The following ERC2 variants were observed in gnomAD, a reference collection of about 807,000 sequenced individuals.
ERC2 encodes the protein ELKS/RAB6-interacting/CAST family member 2, also known as ERC protein 2.
Under a neutral mutation model 114.8 loss-of-function variants are expected in ERC2, and 42 were observed. The observed-to-expected ratio is 0.37, with a 90% CI of 0.29 to 0.47. The LOEUF (loss-of-function observed/expected upper bound fraction) is 0.47, where lower values mean the gene tolerates loss of function less well. ERC2 is among the 20% of genes least tolerant of loss of function. ERC2 has a pLI of 0.99. For synonymous variants in ERC2, 454 were observed against 425.5 expected (o/e 1.07, Z -0.82); for missense variants, 939 against 1,150.7 (o/e 0.82, Z 2.66).
At chr3:55,700,659 T>G (rs1407695690) in intron 15 of ERC2, among the ~76,000 whole-genome samples, 1 of 152,150 alleles carries the variant, frequency 6.6e-6, no homozygotes, top group Admixed American at 6.5e-5. Flanking sequence ...CTAGCCCCCT[T>G]TCTTCACCTT....
At chr3:55,586,116 C>T (rs2057586637) in intron 17 of ERC2, among the ~76,000 whole-genome samples, 1 of 152,036 alleles carries the variant, frequency 6.6e-6, no homozygotes, top group Non-Finnish European at 1.5e-5. Context: ...CTTGGAGGCA[C>T]ACTGGTGCAC....
chr3:56,200,230 C>A (rs895738549), intron 3 of ERC2, among the ~76,000 whole-genome samples: 1 of 151,952 alleles, frequency 6.6e-6, no homozygotes, highest in African/African-American at 2.4e-5. Flanking sequence ...GAAACCCTCA[C>A]ACAGAGCAGG....
At chr3:55,875,909 GAGA>G (rs915022642) in intron 14 of ERC2, among the ~76,000 whole-genome samples, 4 of 152,092 alleles carry the variant, frequency 2.6e-5, no homozygotes, top group African/African-American at 9.7e-5. Flanking sequence ...AAAGAGGAGA[GAGA>G]AGGATGGGGA....
intron 17 of ERC2, among the ~76,000 whole-genome samples, chr3:55,545,237 TC>T (rs1388034670): frequency 6.6e-6 from 1 of 152,178 alleles, no homozygotes; most frequent in Non-Finnish European, 1.5e-5. Flanking sequence ...CTAATAGAAC[TC>T]CCTGCGTCAA....
chr3:55,792,979 C>T (rs183476403), intron 14 of ERC2, among the ~76,000 whole-genome samples: 61 of 152,298 alleles, frequency 4.0e-4, no homozygotes, highest in Non-Finnish European at 5.9e-4. Context: ...CCTGGTGATG[C>T]TATAACCCTG....
chr3:56,173,431 G>T lies in ERC2; in HGVS notation c.1149+15C>A, dbSNP rs1330194174. The T allele has an allele frequency of 1.2e-6, 2 of 1,612,300 alleles. No individual in the cohort carries two copies. Among genetic ancestry groups the T allele is most frequent in the East Asian group, 2.2e-5 (1 of 44,846 alleles). Reference sequence around the variant, plus strand: ...CAAGGCATAACTGTTTCTGACAAAAGTGCACAGTTCCTACCTTCATTTCGA... The same window carrying T: ...CAAGGCATAACTGTTTCTGACAAAATTGCACAGTTCCTACCTTCATTTCGA... On this transcript the variant is annotated intron_variant, in intron 4 of 17. Transcript: ENST00000288221.
chr3:55,764,344 C>T (rs957351684), intron 14 of ERC2, among the ~76,000 whole-genome samples: 6 of 152,224 alleles, frequency 3.9e-5, no homozygotes, highest in Non-Finnish European at 8.8e-5. Context: ...ATTCTCTCCT[C>T]CTCTTAGAAC....
At chr3:55,648,457 A>G (rs1390984733) in intron 17 of ERC2, among the ~76,000 whole-genome samples, 2 of 152,194 alleles carry the variant, frequency 1.3e-5, no homozygotes, top group African/African-American at 4.8e-5. Flanking sequence ...TGCCTGGCAC[A>G]TGCTAAGTGC....
At chr3:55,643,121 C>T (rs2060256365) in intron 17 of ERC2, among the ~76,000 whole-genome samples, 1 of 152,156 alleles carries the variant, frequency 6.6e-6, no homozygotes, top group Non-Finnish European at 1.5e-5. Context: ...CTTCCTGACA[C>T]TGCTTGGTAG....
At chr3:55,593,617 C>A (rs960551531) in intron 17 of ERC2, among the ~76,000 whole-genome samples, 2 of 152,190 alleles carry the variant, frequency 1.3e-5, no homozygotes, top group Admixed American at 6.5e-5. Context: ...ACTGATGACA[C>A]CTTTCCTCCC....
rs370947118 is a variant in ERC2, at chr3:55,517,488, G to A, written c.*40-6212C>T. ...AAAAAAAATTATCAAAAACCTAAAT[G>A]TTTCCTTTTTAAAGAAATATTTATT... is the stretch of plus-strand genomic sequence containing the variant. On this transcript the variant is annotated intron_variant, in intron 17 of 17. Coordinates refer to ENST00000288221, the MANE Select transcript of ERC2 (RefSeq NM_015576.3). 3.0e-3 allele frequency among the ~76,000 whole-genome samples: 436 copies of A among 147,486 alleles called. 1 individual carries two copies. The highest frequency in any genetic ancestry group is 0.01 in the African/African-American group (420 of 40,312).
At chr3:55,766,359 TTTTA>T (rs2067790999) in intron 14 of ERC2, among the ~76,000 whole-genome samples, 1 of 152,042 alleles carries the variant, frequency 6.6e-6, no homozygotes, top group African/African-American at 2.4e-5. Flanking sequence ...ATTATTTTTA[TTTTA>T]TTTATTTATT....
intron 14 of ERC2, among the ~76,000 whole-genome samples, chr3:55,857,338 G>A (rs903363648): frequency 2.6e-5 from 4 of 152,026 alleles, no homozygotes; most frequent in Non-Finnish European, 4.4e-5. Flanking sequence ...AAAGATACCC[G>A]CATCTTTGTT....
chr3:56,316,449 G>A (rs1254261377), intron 2 of ERC2, among the ~76,000 whole-genome samples: 6 of 152,090 alleles, frequency 3.9e-5, no homozygotes, highest in Non-Finnish European at 5.9e-5. Context: ...TCTAATGTGG[G>A]AGACTAGTTA....
At chr3:56,003,846 T>C (rs1200633525) in intron 10 of ERC2, among the ~76,000 whole-genome samples, 5 of 152,106 alleles carry the variant, frequency 3.3e-5, no homozygotes, top group Non-Finnish European at 7.4e-5. Context: ...TTCTTGTCTA[T>C]TTTGTGTTGA....
chr3:56,069,866 GT>G (rs1331304337), intron 7 of ERC2, among the ~76,000 whole-genome samples: 1 of 152,134 alleles, frequency 6.6e-6, no homozygotes, highest in African/African-American at 2.4e-5. Context: ...AAAACAGTCT[GT>G]TTAAAGCAGT....
At chr3:56,417,525 C>T (rs999423990) in intron 2 of ERC2, among the ~76,000 whole-genome samples, 1 of 152,172 alleles carries the variant, frequency 6.6e-6, no homozygotes, top group African/African-American at 2.4e-5. Flanking sequence ...TCCTAAGCAG[C>T]TCATCTGAAC....
chr3:56,468,029 G>A (rs2063631126), intron 1 of ERC2, among the ~76,000 whole-genome samples: 1 of 152,062 alleles, frequency 6.6e-6, no homozygotes, highest in Admixed American at 6.5e-5. Context: ...TCCAATCCGG[G>A]GGTTTATACA....
At chr3:55,516,344 T>G (rs36064457) in intron 17 of ERC2, among the ~76,000 whole-genome samples, 1 of 152,138 alleles carries the variant, frequency 6.6e-6, no homozygotes, top group Admixed American at 6.5e-5. Context: ...GTTTTCCTCA[T>G]GAAGATTTAT....
Sources: allele counts gnomAD v4.1 joint callset (sites outside exome capture counted in the v4.1 genomes callset), GRCh38; gene constraint gnomAD v4.1.1; transcripts MANE v1.5; gene names NCBI Gene and HGNC (gene_info 2026-07-23, HGNC 2026-07-21).